Variants in DAB2IP observed in about 807,000 individuals in gnomAD.
DAB2IP encodes disabled homolog 2-interacting protein.
Under a neutral mutation model 107.2 loss-of-function variants are expected in DAB2IP, and 28 were observed. The observed-to-expected ratio is 0.26, with a 90% CI of 0.19 to 0.36. The LOEUF is 0.36. Ranked by LOEUF, DAB2IP falls within the 10% of genes least tolerant of loss-of-function variation. The pLI is 1.00. For synonymous variants in DAB2IP, 755 were observed against 706.4 expected (o/e 1.07, Z -1.09); for missense variants, 1,400 against 1,644.7 (o/e 0.85, Z 2.57).
intron 1 of DAB2IP, among the ~76,000 whole-genome samples, chr9:121,653,989 AGAGGGAGTAATT>A (rs1832871256): frequency 6.6e-6 from 1 of 152,200 alleles, no homozygotes; most frequent in East Asian, 1.9e-4. Flanking sequence ...TTCCCTTCGC[AGAGGGAGTAATT>A]GAGTCAGATC....
rs79900578 is a variant in DAB2IP at position 121,620,595 on chromosome 9, A to G, written c.40+53367A>G. 3.0e-4 allele frequency among the ~76,000 whole-genome samples: 46 copies of G among 152,286 alleles called. No individual in the cohort carries two copies. The East Asian group carries it at 7.9e-3, about 26-fold the overall frequency. ...GCCTGGCTTATAAAAGGAGCTCAAT[A>G]TATGTAAACTTTGATATTATGTTAT... On this transcript the variant is annotated intron_variant, in intron 1 of 16. Coordinates refer to the DAB2IP transcript ENST00000259371.
At chr9:121,728,747 G>A (rs1479305486) in intron 3 of DAB2IP, among the ~76,000 whole-genome samples, 1 of 151,350 alleles carries the variant, frequency 6.6e-6, no homozygotes, top group African/African-American at 2.4e-5. Flanking sequence ...ACATGCACTA[G>A]TGTGGAATTC....
At chr9:121,673,278 G>C (rs960602901) in intron 1 of DAB2IP, among the ~76,000 whole-genome samples, 1 of 152,180 alleles carries the variant, frequency 6.6e-6, no homozygotes, top group African/African-American at 2.4e-5. Context: ...GGAAGTGTGG[G>C]TTTGGGGGCA....
chr9:121,740,849 C>G (rs1486297707), intron 3 of DAB2IP, among the ~76,000 whole-genome samples: 3 of 152,190 alleles, frequency 2.0e-5, no homozygotes, highest in Non-Finnish European at 4.4e-5. Context: ...TAGTGTATTA[C>G]CTCATTTTAT....
At position 121,759,898 on chromosome 9, in the gene DAB2IP, G is replaced by A. The variant is rs774869246; in HGVS notation, c.629G>A (p.Arg210His). The change falls in exon 6 of 16, where the codon CGT becomes CAT. Residue 210 changes from arginine to histidine, a missense_variant. Physicochemically the swap from Arg to His is conservative, Grantham distance 29. Around this residue, in one of 3 missense-constraint regions of DAB2IP, gnomAD observed 517 missense variants for 748.6 expected, o/e 0.69. Transcript: ENST00000408936. ...GTGCACATACAGGACAACAGCCGGC[G>A]TGTGGAGCACATCCTGAAGCTGTGG... 1.4e-5 allele frequency: 22 copies of A among 1,613,340 alleles called. No individual in the cohort carries two copies. The highest frequency in any genetic ancestry group is 1.6e-4 in the Middle Eastern group (1 of 6,078).
intron 3 of DAB2IP, among the ~76,000 whole-genome samples, chr9:121,728,311 C>G (rs1324971438): frequency 6.6e-6 from 1 of 152,176 alleles, no homozygotes; most frequent in Non-Finnish European, 1.5e-5. Context: ...GAGTAACACC[C>G]TGTGGGCTCA....
intron 1 of DAB2IP, among the ~76,000 whole-genome samples, chr9:121,656,012 CT>C (rs1326103532): frequency 1.2e-3 from 173 of 141,874 alleles, no homozygotes; most frequent in Middle Eastern, 3.6e-3. Flanking sequence ...GGGACCCTGG[CT>C]TTTTTTTTTT....
chr9:121,684,428 G>A lies in DAB2IP; in HGVS notation c.228+5647G>A, dbSNP rs980694564. 3.3e-5 allele frequency among the ~76,000 whole-genome samples: 5 copies of A among 152,222 alleles called. No individual in the cohort carries two copies. The highest frequency in any genetic ancestry group is 9.6e-5 in the African/African-American group (4 of 41,526). Reference sequence around the variant, plus strand: ...CCAGCACCTGGATATCAGCCACCCCGTCTGAGCTGAGCCCTTCTCCCAGCC... The same window carrying A: ...CCAGCACCTGGATATCAGCCACCCCATCTGAGCTGAGCCCTTCTCCCAGCC... On this transcript the variant is annotated intron_variant, in intron 2 of 15. Coordinates refer to ENST00000408936, the Ensembl canonical transcript of DAB2IP. The surrounding 1 kb of genome is among the most constrained non-coding windows in gnomAD (Gnocchi z 4.0).
chr9:121,670,953 C>A (rs1443909341), intron 1 of DAB2IP, among the ~76,000 whole-genome samples: 1 of 151,984 alleles, frequency 6.6e-6, no homozygotes, highest in African/African-American at 2.4e-5. Context: ...GAGATCGAGA[C>A]CATCCTGGCC....
At chr9:121,697,050 G>A (rs750233352) in intron 2 of DAB2IP, among the ~76,000 whole-genome samples, 1 of 152,190 alleles carries the variant, frequency 6.6e-6, no homozygotes, top group Non-Finnish European at 1.5e-5. Context: ...CAAGGTCATT[G>A]TCAGTTTGGG....
At chr9:121,681,666 G>C (rs1385565034) in intron 2 of DAB2IP, among the ~76,000 whole-genome samples, 1 of 152,208 alleles carries the variant, frequency 6.6e-6, no homozygotes, top group South Asian at 2.1e-4. Flanking sequence ...CCTGAGTCAG[G>C]ACTGCCGGAC....
chr9:121,583,682 A>G (rs760158404), intron 1 of DAB2IP, among the ~76,000 whole-genome samples: 1 of 152,170 alleles, frequency 6.6e-6, no homozygotes, highest in Non-Finnish European at 1.5e-5. Flanking sequence ...GTGGGCATTT[A>G]GCTGCCCGCA....
At chr9:121,729,350 C>T (rs962059293) in intron 3 of DAB2IP, among the ~76,000 whole-genome samples, 1 of 152,210 alleles carries the variant, frequency 6.6e-6, no homozygotes, top group African/African-American at 2.4e-5. Flanking sequence ...CAGAAACCCC[C>T]ATTTTACCGA....
intron 14 of DAB2IP, among the ~76,000 whole-genome samples, chr9:121,778,599 T>C (rs975055558): frequency 1.3e-5 from 2 of 152,260 alleles, no homozygotes; most frequent in Non-Finnish European, 2.9e-5. Flanking sequence ...TATTGACTTA[T>C]TAGCTTTATC....
chr9:121,657,176 C>G (rs1026350223), intron 1 of DAB2IP, among the ~76,000 whole-genome samples: 1 of 151,118 alleles, frequency 6.6e-6, no homozygotes, highest in Non-Finnish European at 1.5e-5. Flanking sequence ...GGGCATGCGA[C>G]AGGTCTCAGG....
At position 121,698,323 on chromosome 9, in the gene DAB2IP, G is replaced by A. The variant is rs531567633; in HGVS notation, c.229-1002G>A. Among the ~76,000 whole-genome samples, 1 of 152,130 alleles carries A rather than the reference G, an allele frequency of 6.6e-6. No homozygotes were observed. The highest frequency in any genetic ancestry group is 2.4e-5 in the African/African-American group (1 of 41,492). On this transcript the variant is annotated intron_variant, in intron 2 of 15. Coordinates refer to ENST00000408936, the Ensembl canonical transcript of DAB2IP. This position sits in a 1 kb window ranked among gnomAD's most constrained non-coding sequence, Gnocchi z 4.1. ...CGGCAGGACACAGGCTGTGTCCCCT[G>A]GGGCCCCCACATCTATCCCGTCACC...
In DAB2IP at chr9:121,634,995, C is replaced by T. The variant is rs760401442; in HGVS notation, c.41-43683C>T. On this transcript the variant is annotated intron_variant, in intron 1 of 16. Coordinates refer to the DAB2IP transcript ENST00000259371. This position sits in a 1 kb window ranked among gnomAD's most constrained non-coding sequence, Gnocchi z 4.7. The stretch of plus-strand genomic sequence containing the variant: ...GGGCCCTGTGTGCCAGTGCGGCCCA[C>T]CCAGCCTCAGACCTGTGTATATGTG... Among the ~76,000 whole-genome samples the T allele has an allele frequency of 3.3e-5, 5 of 152,290 alleles. No homozygotes were observed. The highest frequency in any genetic ancestry group is 4.1e-4 in the South Asian group (2 of 4,826).
Position 121,651,678 on chromosome 9 carries a change from G to A in DAB2IP, c.-98G>A, listed in dbSNP as rs1359740110. The A allele has an allele frequency of 1.5e-5, 17 of 1,109,682 alleles. No individual in the cohort carries two copies. The highest frequency in any genetic ancestry group is 3.3e-5 in the African/African-American group (2 of 60,244). 68.7% of individuals were successfully genotyped at this position (1,109,682 alleles called of 1,614,324 possible). On this transcript the variant is annotated 5_prime_UTR_variant, in exon 1 of 16. Transcript: ENST00000408936. The surrounding 1 kb of genome is among the most constrained non-coding windows in gnomAD (Gnocchi z 5.1). ...GGCCTCGGCGGCCGCTCGGGCGAGC[G>A]CGGGAGAACGCGTGGGCGCCCGCCG...
Position 121,699,097 on chromosome 9 carries a change from G to T in DAB2IP, c.229-228G>T, listed in dbSNP as rs1829594484. Among the ~76,000 whole-genome samples the T allele has an allele frequency of 6.8e-6, 1 of 147,152 alleles. No homozygotes were observed. The highest frequency in any genetic ancestry group is 2.4e-5 in the African/African-American group (1 of 40,884). ...AGGCAACAGCGGCTTAGGGGGCGGGGGCGACGTGGCGGGCGGGGTGGGCTG... is the reference window on the plus strand; with the variant it reads ...AGGCAACAGCGGCTTAGGGGGCGGGTGCGACGTGGCGGGCGGGGTGGGCTG... On this transcript the variant is annotated intron_variant, in intron 2 of 15. Transcript: ENST00000408936. The surrounding 1 kb of genome is among the most constrained non-coding windows in gnomAD (Gnocchi z 6.2).
Sources: allele counts gnomAD v4.1 joint callset (sites outside exome capture counted in the v4.1 genomes callset), GRCh38; gene constraint gnomAD v4.1.1; regional missense constraint gnomAD v4.1.1; non-coding constraint Gnocchi (gnomAD v3.1); transcripts MANE v1.5; gene names NCBI Gene and HGNC (gene_info 2026-07-23, HGNC 2026-07-21).